The following CDH20 variants were observed in gnomAD, a reference collection of about 807,000 sequenced individuals.
CDH20 encodes cadherin-20.
CDH20 carries 29 observed loss-of-function variants against 74.2 expected under a neutral mutation model. The ratio of observed to expected loss-of-function variants is 0.39; its 90% CI spans 0.29 to 0.53. CDH20 has a LOEUF of 0.53. Ranked by LOEUF, CDH20 falls within the 20% of genes least tolerant of loss-of-function variation. CDH20 has a pLI of 0.69. For missense variants in CDH20, 988 were observed against 1,048.3 expected (o/e 0.94, Z 0.79); for synonymous variants, 469 against 405.4 (o/e 1.16, Z -1.88).
At chr18:61,470,081 C>G (rs1166523182) in intron 1 of CDH20, among the ~76,000 whole-genome samples, 1 of 152,174 alleles carries the variant, frequency 6.6e-6, no homozygotes, top group Non-Finnish European at 1.5e-5. Flanking sequence ...AGCACCAACC[C>G]ATCACATCTT....
intron 5 of CDH20, among the ~76,000 whole-genome samples, chr18:61,503,744 C>A (rs1054797491): frequency 5.3e-5 from 8 of 152,200 alleles, no homozygotes; most frequent in African/African-American, 1.9e-4. Context: ...AAAAATTAAA[C>A]CGTAGTAGCA....
intron 1 of CDH20, among the ~76,000 whole-genome samples, chr18:61,453,428 C>T (rs1439923492): frequency 6.6e-6 from 1 of 152,154 alleles, no homozygotes; most frequent in Non-Finnish European, 1.5e-5. Context: ...TAGGCGTGTG[C>T]CACCGTGCCC....
chr18:61,373,670 G>A (rs192402467), intron 1 of CDH20, among the ~76,000 whole-genome samples: 1 of 152,210 alleles, frequency 6.6e-6, no homozygotes, highest in East Asian at 1.9e-4. Context: ...AACAACTACT[G>A]CTAGAATGGC....
chr18:61,454,772 T>C (rs1909516357), intron 1 of CDH20, among the ~76,000 whole-genome samples: 1 of 152,254 alleles, frequency 6.6e-6, no homozygotes, highest in African/African-American at 2.4e-5. Flanking sequence ...CCTGACTTTG[T>C]AACTGCATTC....
chr18:61,554,501 T>C lies in CDH20; in HGVS notation c.2212T>C (p.Trp738Arg). The C allele has an allele frequency of 1.2e-6, 2 of 1,612,886 alleles. No individual in the cohort carries two copies. Among genetic ancestry groups the C allele is most frequent in the Non-Finnish European group, 1.7e-6 (2 of 1,179,768 alleles). The change falls in exon 12 of 12, where the codon TGG becomes CGG. Residue 738 changes from tryptophan to arginine, a missense_variant. Physicochemically the swap from Trp to Arg is moderately radical, Grantham distance 101. This residue lies in a region of CDH20 where 375 missense variants were observed against 293.1 expected (regional missense o/e 1.28). Coordinates refer to ENST00000262717, the MANE Select transcript of CDH20 (RefSeq NM_031891.4). Reference sequence around the variant, plus strand: ...GCTCTACGAGGCCGACATGGACCTGTGGGCACCGCCCTTCGACTCCCTCCA... The same window carrying C: ...GCTCTACGAGGCCGACATGGACCTGCGGGCACCGCCCTTCGACTCCCTCCA... Reference protein sequence around the residue: ...AKLYEADMDLWAPPFDSLQTY... With the variant: ...AKLYEADMDLRAPPFDSLQTY...
chr18:61,535,503 C>T (rs150753409), intron 7 of CDH20, among the ~76,000 whole-genome samples: 4 of 152,080 alleles, frequency 2.6e-5, no homozygotes, highest in Non-Finnish European at 4.4e-5. Flanking sequence ...GGGGACCAGA[C>T]GAGATAACAC....
chr18:61,339,754 C>T (rs1425591154), intron 1 of CDH20, among the ~76,000 whole-genome samples: 4 of 127,202 alleles, frequency 3.1e-5, no homozygotes, highest in Non-Finnish European at 6.2e-5. Context: ...GTGGCATGAT[C>T]TTGGCTCACT....
chr18:61,526,563 A>G (rs1477909105), intron 6 of CDH20, among the ~76,000 whole-genome samples: 1 of 152,196 alleles, frequency 6.6e-6, no homozygotes, highest in Admixed American at 6.5e-5. Context: ...TGTGGGACTT[A>G]ACATTCCGAG....
At chr18:61,474,087 T>C (rs1910283843) in intron 1 of CDH20, among the ~76,000 whole-genome samples, 1 of 152,202 alleles carries the variant, frequency 6.6e-6, no homozygotes, top group Admixed American at 6.5e-5. Context: ...CTCCCACCCC[T>C]GGCAGGTCTT....
At chr18:61,496,550 C>T (rs558803989) in intron 2 of CDH20, among the ~76,000 whole-genome samples, 29 of 152,234 alleles carry the variant, frequency 1.9e-4, no homozygotes, top group Admixed American at 5.2e-4. Context: ...GCCCAGACTC[C>T]AGGGCACCAG....
intron 1 of CDH20, among the ~76,000 whole-genome samples, chr18:61,436,281 A>T (rs1347770994): frequency 1.3e-5 from 2 of 152,210 alleles, no homozygotes; most frequent in African/African-American, 2.4e-5. Flanking sequence ...TCTTACATAA[A>T]TACCTAGGAG....
chr18:61,524,009 A>G (rs1018842876), intron 6 of CDH20, among the ~76,000 whole-genome samples: 2 of 152,164 alleles, frequency 1.3e-5, no homozygotes, highest in African/African-American at 4.8e-5. Context: ...AGGTATACCT[A>G]TGTAACAAAC....
At chr18:61,461,095 C>G (rs1269005040) in intron 1 of CDH20, among the ~76,000 whole-genome samples, 2 of 152,024 alleles carry the variant, frequency 1.3e-5, no homozygotes, top group East Asian at 3.9e-4. Flanking sequence ...TGAGTCATCA[C>G]ATATATAAAT....
chr18:61,493,216 AATATTTCT>A (rs1448096108), intron 2 of CDH20, among the ~76,000 whole-genome samples: 5 of 152,130 alleles, frequency 3.3e-5, no homozygotes, highest in Admixed American at 1.3e-4. Flanking sequence ...CATATCTGCC[AATATTTCT>A]GTGCCAGTTT....
At chr18:61,511,473 C>T (rs540593602) in intron 6 of CDH20, among the ~76,000 whole-genome samples, 4 of 152,162 alleles carry the variant, frequency 2.6e-5, no homozygotes, top group Admixed American at 6.5e-5. Context: ...CATGAGCCAC[C>T]GCAACCAGCT....
intron 1 of CDH20, among the ~76,000 whole-genome samples, chr18:61,481,318 A>G (rs939213399): frequency 2.7e-4 from 41 of 152,352 alleles, no homozygotes; most frequent in African/African-American, 9.6e-4. Context: ...AACTTAATCT[A>G]TAGTATTAGG....
chr18:61,444,839 C>A (rs910809259), intron 1 of CDH20, among the ~76,000 whole-genome samples: 2 of 152,140 alleles, frequency 1.3e-5, no homozygotes, highest in African/African-American at 4.8e-5. Flanking sequence ...ATTTCAAATT[C>A]ATTATGTTGG....
At chr18:61,457,448 G>T (rs892600200) in intron 1 of CDH20, among the ~76,000 whole-genome samples, 10 of 152,054 alleles carry the variant, frequency 6.6e-5, no homozygotes, top group African/African-American at 2.4e-4. Context: ...AGGAAACTGA[G>T]GCATAGAAAA....
chr18:61,482,012 A>C (rs1279144294), intron 1 of CDH20, among the ~76,000 whole-genome samples: 1 of 1,512 alleles, frequency 6.6e-4, no homozygotes, highest in African/African-American at 1.8e-3. Flanking sequence ...AAATAGACAA[A>C]TAAAAAAAAA....
Sources: allele counts gnomAD v4.1 joint callset (sites outside exome capture counted in the v4.1 genomes callset), GRCh38; gene constraint gnomAD v4.1.1; regional missense constraint gnomAD v4.1.1; transcripts MANE v1.5; gene names NCBI Gene and HGNC (gene_info 2026-07-23, HGNC 2026-07-21).